Variants in MIDEAS observed in about 807,000 individuals in gnomAD.
The protein encoded by MIDEAS is mitotic deacetylase-associated SANT domain protein.
In MIDEAS, 26 loss-of-function variants were observed where a neutral mutation model predicts 102.7. The observed-to-expected ratio is 0.25, with a 90% CI of 0.19 to 0.35. MIDEAS has a LOEUF of 0.35. MIDEAS is among the 10% of genes least tolerant of loss of function. MIDEAS has a pLI of 1.00. For missense variants in MIDEAS, 1,231 were observed against 1,435.6 expected, an observed-to-expected ratio of 0.86 and a Z score of 2.30; for synonymous variants, 585 against 591.0, an observed-to-expected ratio of 0.99 and a Z score of 0.15.
chr14:73,776,019 A>C (rs914398538), intron 1 of MIDEAS, among the ~76,000 whole-genome samples: 2 of 152,002 alleles, frequency 1.3e-5, no homozygotes, highest in African/African-American at 4.8e-5. Flanking sequence ...ACTGTTCCAC[A>C]AACCAAGCCT....
chr14:73,757,284 A>AAAAAAAAAAAAAAAAC (rs1315087331), intron 1 of MIDEAS, among the ~76,000 whole-genome samples: 1 of 149,770 alleles, frequency 6.7e-6, no homozygotes, highest in Non-Finnish European at 1.5e-5. Flanking sequence ...ACAACCAAAA[A>AAAAAAAAAAAAAAAAC]AAAAAAAAAA....
upstream of MIDEAS, among the ~76,000 whole-genome samples, chr14:73,761,349 T>G (rs1288003266): frequency 6.6e-6 from 1 of 152,142 alleles, no homozygotes; most frequent in Non-Finnish European, 1.5e-5. Context: ...AGGCAAAACT[T>G]GGATCTTCTG....
intron 1 of MIDEAS, among the ~76,000 whole-genome samples, chr14:73,767,483 A>T (rs2140164403): frequency 6.6e-6 from 1 of 152,192 alleles, no homozygotes; most frequent in Non-Finnish European, 1.5e-5. Context: ...AAAAAAATAA[A>T]GAAAATTAGC....
upstream of MIDEAS, among the ~76,000 whole-genome samples, chr14:73,763,237 C>G (rs2053567739): frequency 6.6e-6 from 1 of 152,170 alleles, no homozygotes; most frequent in African/African-American, 2.4e-5. Flanking sequence ...ACTCAAGAGG[C>G]TGAGGTAGGA....
intron 1 of MIDEAS, among the ~76,000 whole-genome samples, chr14:73,777,664 G>A (rs779318451): frequency 7.2e-5 from 11 of 152,094 alleles, no homozygotes; most frequent in Non-Finnish European, 1.5e-4. Flanking sequence ...ATGCCTACTC[G>A]TTTCTCAGCA....
chr14:73,772,677 T>A (rs753579674), intron 1 of MIDEAS, among the ~76,000 whole-genome samples: 2 of 152,186 alleles, frequency 1.3e-5, no homozygotes, highest in African/African-American at 4.8e-5. Flanking sequence ...TAAATAGATA[T>A]CTTTGTACTT....
At chr14:73,720,040 C>T (rs962985258) in intron 11 of MIDEAS, among the ~76,000 whole-genome samples, 5 of 151,820 alleles carry the variant, frequency 3.3e-5, no homozygotes, top group African/African-American at 4.8e-5. Context: ...GCAGAGGTGA[C>T]CTCGGCTGGG....
rs542693997 is a variant in MIDEAS at position 73,717,923 on chromosome 14, C to G, written c.*920G>C. The G allele has an allele frequency of 6.1e-5, 1 of 16,410 alleles. No individual in the cohort carries two copies. The highest frequency in any genetic ancestry group is 8.3e-4 in the Admixed American group (1 of 1,198). The allele number at this position is 16,410 out of a possible 1,614,324, so 1.0% of individuals were successfully genotyped here. ...GTAGCTGCTGAGGTCAGAGCAGAGG[C>G]AAGGAGGCTGGCCCCAGGAGGGGCA... On this transcript the variant is annotated 3_prime_UTR_variant, in exon 13 of 13. Coordinates refer to ENST00000423556, the MANE Select transcript of MIDEAS (RefSeq NM_001367710.1).
At position 73,718,560 on chromosome 14, in the gene MIDEAS, G is replaced by A. The variant is rs2052928776; in HGVS notation, c.*283C>T. ...CAGAAATCGGAGTGTGAGAGGCGGT[G>A]GAGTCCCTCCCGAGGGGACCGGGAC... is the stretch of plus-strand genomic sequence containing the variant. On this transcript the variant is annotated 3_prime_UTR_variant, in exon 13 of 13. Transcript: ENST00000423556. 9.9e-6 allele frequency: 3 copies of A among 303,026 alleles called. No individual in the cohort carries two copies. The South Asian group carries it at 4.8e-4, about 48-fold the overall frequency. 18.8% of individuals were successfully genotyped at this position (303,026 alleles called of 1,614,324 possible).
rs921781051 is a variant in MIDEAS at position 73,729,849 on chromosome 14, G to A, written c.1886C>T (p.Pro629Leu). The A allele has an allele frequency of 5.0e-6, 8 of 1,614,022 alleles. No homozygotes were observed. Among genetic ancestry groups the A allele is most frequent in the Non-Finnish European group, 6.8e-6 (8 of 1,180,014 alleles). ...IAPPVYSNIT[P>L]YQSHLRSPVR... ...GGGAGAGCGCAGGTGGCTCTGGTAT[G>A]GGGTGATGTTGGAGTAGACGGGAGG... The change falls in exon 4 of 13, where the codon CCA becomes CTA. Residue 629 changes from proline to leucine, a missense_variant. Coordinates refer to ENST00000423556, the MANE Select transcript of MIDEAS (RefSeq NM_001367710.1).
intron 1 of MIDEAS, among the ~76,000 whole-genome samples, chr14:73,755,504 A>G (rs1307284022): frequency 6.6e-6 from 1 of 152,252 alleles, no homozygotes; most frequent in East Asian, 1.9e-4. Flanking sequence ...GCGAGGCTTC[A>G]GGTGAAGCAA....
At chr14:73,730,731 A>AG (rs2053127864) in intron 3 of MIDEAS, among the ~76,000 whole-genome samples, 1 of 147,138 alleles carries the variant, frequency 6.8e-6, no homozygotes, top group East Asian at 1.9e-4. Context: ...GGTGGGGGGG[A>AG]GGGGATCACT....
intron 2 of MIDEAS, 38 bp downstream of exon 2, chr14:73,738,522 C>T: frequency 6.7e-7 from 1 of 1,487,034 alleles, no homozygotes; most frequent in South Asian, 1.4e-5. Flanking sequence ...AGCCTGATGC[C>T]CTCTGCCAGG....
At chr14:73,719,179 C>G in intron 12 of MIDEAS, 126 bp downstream of exon 12, 1 of 1,492,914 alleles carries the variant, frequency 6.7e-7, no homozygotes, top group East Asian at 2.5e-5. Context: ...CCTAGAAACC[C>G]GCTGAGCCAA....
intron 9 of MIDEAS, chr14:73,723,903 T>A (rs966017087): frequency 6.6e-6 from 1 of 152,124 alleles, no homozygotes; most frequent in African/African-American, 2.4e-5. Flanking sequence ...CATACAGAAA[T>A]GTCACAGTGT....
At chr14:73,729,579 T>C (rs1440971023) in intron 4 of MIDEAS, 61 bp downstream of exon 4, 1 of 1,367,478 alleles carries the variant, frequency 7.3e-7, no homozygotes, top group African/African-American at 1.4e-5. Flanking sequence ...CAGGCTGAGA[T>C]GCCTCCCTGC....
chr14:73,718,808 C>A lies in MIDEAS; in HGVS notation c.*35G>T, dbSNP rs565483399. ...GCGCTGGCGGCGGTGCGGGAAGGGC[C>A]GAGGCCCAGGACTGGGCCAGCCTGG... On this transcript the variant is annotated 3_prime_UTR_variant, in exon 13 of 13. Coordinates refer to ENST00000423556, the MANE Select transcript of MIDEAS (RefSeq NM_001367710.1). 2.8e-4 allele frequency: 391 copies of A among 1,375,422 alleles called. 1 individual carries two copies. In the Middle Eastern group the frequency reaches 3.1e-3, roughly 11 times the overall value. 85.2% of individuals were successfully genotyped at this position (1,375,422 alleles called of 1,614,324 possible). A position where few individuals can be genotyped will look rare whatever the true frequency, so the allele number is the denominator to read the frequency against.
rs942460450 is a variant in MIDEAS, at chr14:73,739,125, G to A, written c.884C>T (p.Pro295Leu). ...PQDFGLQPAG[P>L]LGQSHLAHHS... Reference sequence around the variant, plus strand: ...GTGAGCCAGGTGGGACTGTCCCAGTGGCCCAGCTGGCTGCAGGCCAAAGTC... The same window carrying A: ...GTGAGCCAGGTGGGACTGTCCCAGTAGCCCAGCTGGCTGCAGGCCAAAGTC... Residue 295 changes from proline (P) to leucine (L), a missense_variant, in exon 2 of 13, where the codon CCA becomes CTA. Physicochemically the swap from Pro to Leu is moderately conservative, Grantham distance 98. This residue lies in a region of MIDEAS where 758 missense variants were observed against 856.0 expected (regional missense o/e 0.89). Transcript: ENST00000423556. The A allele has an allele frequency of 3.7e-6, 6 of 1,611,250 alleles. No individual in the cohort carries two copies. The Admixed American group carries it at 8.4e-5, about 22-fold the overall frequency.
chr14:73,722,971 C>T (rs1441160502), intron 9 of MIDEAS, 124 bp from the exon 10 acceptor site: 4 of 1,099,338 alleles, frequency 3.6e-6, no homozygotes, highest in African/African-American at 3.2e-5. Flanking sequence ...CCCAGCCAAC[C>T]CAGGCAATAC....
Sources: allele counts gnomAD v4.1 joint callset (sites outside exome capture counted in the v4.1 genomes callset), GRCh38; gene constraint gnomAD v4.1.1; regional missense constraint gnomAD v4.1.1; transcripts MANE v1.5; gene names NCBI Gene and HGNC (gene_info 2026-07-23, HGNC 2026-07-21).